The following CNTN4 variants were observed in gnomAD, a reference collection of about 807,000 sequenced individuals.
CNTN4 encodes contactin 4.
CNTN4 carries 77 observed loss-of-function variants against 122.5 expected under a neutral mutation model. The ratio of observed to expected loss-of-function variants is 0.63; its 90% CI spans 0.52 to 0.76. The LOEUF is 0.76. CNTN4 is among the 30% of genes least tolerant of loss of function. CNTN4 has a pLI of 0.00. For missense variants in CNTN4, 1,256 were observed against 1,259.1 expected (o/e 1.00, Z 0.04); for synonymous variants, 512 against 447.0 (o/e 1.15, Z -1.83).
At chr3:2,219,002 A>G (rs1559352172) in intron 2 of CNTN4, among the ~76,000 whole-genome samples, 2 of 152,194 alleles carry the variant, frequency 1.3e-5, no homozygotes, top group South Asian at 2.1e-4. Flanking sequence ...AAGAAACGAT[A>G]AGCTTTGGGC....
chr3:2,274,955 G>A (rs1186530974), intron 2 of CNTN4, among the ~76,000 whole-genome samples: 1 of 152,180 alleles, frequency 6.6e-6, no homozygotes, highest in East Asian at 1.9e-4. Flanking sequence ...GAATGGAAGG[G>A]TTTGGAGAGT....
intron 2 of CNTN4, among the ~76,000 whole-genome samples, chr3:2,310,164 G>A (rs1145053): frequency 0.084 from 12,721 of 152,152 alleles, 613 homozygotes; most frequent in African/African-American, 0.12. Context: ...GAGACATTAC[G>A]ATAAGGGGAA....
At chr3:2,286,082 C>A (rs1056603115) in intron 2 of CNTN4, among the ~76,000 whole-genome samples, 2 of 150,972 alleles carry the variant, frequency 1.3e-5, no homozygotes, top group African/African-American at 4.9e-5. Flanking sequence ...TCCTTGCTGA[C>A]TTTGGGTGGC....
chr3:2,691,504 G>GT (rs983174036), intron 4 of CNTN4, among the ~76,000 whole-genome samples: 4 of 152,140 alleles, frequency 2.6e-5, no homozygotes, highest in Admixed American at 1.3e-4. Context: ...CATTATCTCA[G>GT]TTCCAAGCTG....
At chr3:2,981,397 T>TCA (rs1559748891) in intron 13 of CNTN4, among the ~76,000 whole-genome samples, 2 of 151,862 alleles carry the variant, frequency 1.3e-5, no homozygotes, top group African/African-American at 2.4e-5. Context: ...TGAGCCGAGA[T>TCA]CGCAGCACTG....
intron 12 of CNTN4, among the ~76,000 whole-genome samples, chr3:2,914,634 G>A (rs1323443827): frequency 1.3e-5 from 2 of 152,196 alleles, no homozygotes; most frequent in Non-Finnish European, 2.9e-5. Flanking sequence ...GGAGATTGAA[G>A]TAGTAATTTA....
intron 2 of CNTN4, among the ~76,000 whole-genome samples, chr3:2,302,706 A>C (rs1236368290): frequency 6.6e-6 from 1 of 152,034 alleles, no homozygotes; most frequent in African/African-American, 2.4e-5. Context: ...AGGACAAACA[A>C]CTCACCATTT....
At chr3:2,405,894 G>A (rs911743295) in intron 3 of CNTN4, among the ~76,000 whole-genome samples, 2 of 152,012 alleles carry the variant, frequency 1.3e-5, no homozygotes, top group Non-Finnish European at 2.9e-5. Context: ...GGGTGTGGTG[G>A]TGCATGCCTG....
At chr3:2,416,620 G>A (rs146923476) in intron 3 of CNTN4, among the ~76,000 whole-genome samples, 6 of 152,202 alleles carry the variant, frequency 3.9e-5, no homozygotes, top group African/African-American at 9.6e-5. Flanking sequence ...TGTATGACTT[G>A]TGATGTAACA....
intron 3 of CNTN4, among the ~76,000 whole-genome samples, chr3:2,484,313 A>T (rs1392647609): frequency 6.6e-6 from 1 of 152,320 alleles, no homozygotes; most frequent in East Asian, 1.9e-4. Flanking sequence ...CTAACCTGAT[A>T]AGACAGTAAG....
chr3:2,292,972 G>T (rs1009527237), intron 2 of CNTN4, among the ~76,000 whole-genome samples: 7 of 152,176 alleles, frequency 4.6e-5, no homozygotes, highest in Non-Finnish European at 7.3e-5. Flanking sequence ...AAACTGCCAA[G>T]CTCTTCTTCA....
At chr3:2,382,936 A>G (rs1237699330) in intron 3 of CNTN4, among the ~76,000 whole-genome samples, 1 of 152,042 alleles carries the variant, frequency 6.6e-6, no homozygotes, top group Non-Finnish European at 1.5e-5. Context: ...TTAGCTGGGC[A>G]TGGTGGCAGG....
At chr3:2,184,899 C>G (rs1425244252) in intron 2 of CNTN4, among the ~76,000 whole-genome samples, 1 of 152,200 alleles carries the variant, frequency 6.6e-6, no homozygotes, top group African/African-American at 2.4e-5. Flanking sequence ...GACAAAGATA[C>G]TGGCCCTTCT....
chr3:2,676,537 T>A (rs1391107284), intron 4 of CNTN4, among the ~76,000 whole-genome samples: 1 of 152,198 alleles, frequency 6.6e-6, no homozygotes, highest in East Asian at 1.9e-4. Context: ...TGATTATTAA[T>A]GAACTAATTC....
At chr3:2,846,352 C>T (rs186235593) in intron 7 of CNTN4, among the ~76,000 whole-genome samples, 2 of 152,114 alleles carry the variant, frequency 1.3e-5, no homozygotes, top group Admixed American at 6.5e-5. Context: ...CCCCTTCCTT[C>T]GCTTTCATTG....
intron 2 of CNTN4, among the ~76,000 whole-genome samples, chr3:2,307,707 G>A (rs2150118757): frequency 6.6e-6 from 1 of 151,960 alleles, no homozygotes; most frequent in South Asian, 2.1e-4. Flanking sequence ...GTATTAATAT[G>A]GTGTGCTACA....
intron 4 of CNTN4, among the ~76,000 whole-genome samples, chr3:2,595,767 G>A (rs1039734701): frequency 2.0e-5 from 3 of 152,166 alleles, no homozygotes; most frequent in Non-Finnish European, 2.9e-5. Context: ...AGTATCCAGC[G>A]TTATTTTGAG....
Position 2,709,102 on chromosome 3 carries a change from C to G in CNTN4, c.56-27113C>G, listed in dbSNP as rs970047535. Among the ~76,000 whole-genome samples, 1 of 152,052 alleles carries G rather than the reference C, an allele frequency of 6.6e-6. No individual in the cohort carries two copies. The highest frequency in any genetic ancestry group is 2.4e-5 in the African/African-American group (1 of 41,388). On this transcript the variant is annotated intron_variant, in intron 4 of 24. Transcript: ENST00000418658. This position sits in a 1 kb window ranked among gnomAD's most constrained non-coding sequence, Gnocchi z 5.0. ...CTGAATTTCATTTAGACCTCGGTGG[C>G]TGAGTTTTTAAGCTAGATCGTTACA...
At chr3:2,621,642 A>T (rs1208328313) in intron 4 of CNTN4, among the ~76,000 whole-genome samples, 1 of 152,170 alleles carries the variant, frequency 6.6e-6, no homozygotes, top group Admixed American at 6.5e-5. Context: ...AACTTAAAGT[A>T]TAATAAAAAA....
Sources: gnomAD v4.1 joint callset for allele counts (sites outside exome capture counted in the v4.1 genomes callset) on GRCh38, gnomAD v4.1.1 for gene constraint, Gnocchi (gnomAD v3.1) non-coding constraint, MANE v1.5 for transcripts, NCBI Gene and HGNC (gene_info 2026-07-23, HGNC 2026-07-21) for gene names.